Variants in XRN2 observed in about 807,000 individuals in gnomAD.
The protein encoded by XRN2 is 5'-3' exoribonuclease 2.
In XRN2, 44 loss-of-function variants were observed where a neutral mutation model predicts 138.5. The ratio of observed to expected loss-of-function variants is 0.32; its 90% CI spans 0.25 to 0.41. XRN2 has a LOEUF of 0.41. Among genes scored for constraint, XRN2 ranks in the 10% least tolerant of loss-of-function variants. The probability of loss-of-function intolerance (pLI) is 1.00; values close to 1 mark genes in which losing one functional copy is unlikely to be tolerated. For missense variants in XRN2, 937 were observed against 1,169.3 expected (o/e 0.80, Z 2.90); for synonymous variants, 354 against 369.4 (o/e 0.96, Z 0.48).
At chr20:21,384,339 TCC>T (rs1309131594) in intron 28 of XRN2, among the ~76,000 whole-genome samples, 2 of 152,174 alleles carry the variant, frequency 1.3e-5, no homozygotes, top group African/African-American at 2.4e-5. Flanking sequence ...TAAATAAAAC[TCC>T]GATTTTACCA....
rs767997657 is a variant in XRN2 at position 21,348,246 on chromosome 20, C to T, written c.1766C>T (p.Thr589Met). The change falls in exon 18 of 30, where the codon ACG (threonine) becomes ATG (methionine). Residue 589 changes from threonine (T) to methionine (M), a missense_variant. Thr to Met is a moderately conservative substitution (Grantham distance 81, BLOSUM62 -1). Transcript: ENST00000377191. ...ADMPSDFEKG[T>M]KPFKPLEQLM... The stretch of plus-strand genomic sequence containing the variant: ...ATGCCATCTGATTTTGAGAAGGGTA[C>T]GAAACCGGTAAGCTTAATTACTTAA... 5.0e-6 allele frequency: 8 copies of T among 1,613,448 alleles called. No homozygotes were observed. The highest frequency in any genetic ancestry group is 6.8e-6 in the Non-Finnish European group (8 of 1,179,838).
chr20:21,364,323 T>C (rs563963907), intron 24 of XRN2, among the ~76,000 whole-genome samples: 1 of 152,306 alleles, frequency 6.6e-6, no homozygotes, highest in South Asian at 2.1e-4. Context: ...GTGTTATAAG[T>C]ATCCTTAAGT....
chr20:21,334,332 G>A (rs2038256985), intron 13 of XRN2, 147 bp downstream of exon 13: 2 of 676,240 alleles, frequency 3.0e-6, no homozygotes, highest in South Asian at 1.9e-5. Context: ...TCAGTGCTTT[G>A]ATTATTTTAT....
chr20:21,305,776 C>T (rs1395842883), intron 1 of XRN2, among the ~76,000 whole-genome samples: 1 of 61,594 alleles, frequency 1.6e-5, no homozygotes, highest in African/African-American at 4.5e-5. Context: ...GACGGAGCCT[C>T]GCTCTGTCTC....
chr20:21,379,492 T>TCAG (rs1349848102), intron 27 of XRN2, among the ~76,000 whole-genome samples: 1 of 152,234 alleles, frequency 6.6e-6, no homozygotes, highest in Non-Finnish European at 1.5e-5. Context: ...AACAGTTGCA[T>TCAG]CAGAGTTTAT....
intron 11 of XRN2, 24 bp from the exon 12 acceptor site, chr20:21,333,913 A>T: frequency 6.2e-7 from 1 of 1,614,130 alleles, no homozygotes; most frequent in Non-Finnish European, 8.5e-7. Flanking sequence ...GTCCTAATGC[A>T]TAATGTTTGT....
chr20:21,304,094 G>T (rs1443389762), intron 1 of XRN2, among the ~76,000 whole-genome samples: 1 of 152,144 alleles, frequency 6.6e-6, no homozygotes, highest in Non-Finnish European at 1.5e-5. Flanking sequence ...CTACTGAACG[G>T]GGTGGGTGCT....
chr20:21,388,854 T>G (rs942332879), intron 29 of XRN2, among the ~76,000 whole-genome samples: 3 of 152,232 alleles, frequency 2.0e-5, no homozygotes, highest in African/African-American at 4.8e-5. Context: ...CTTAACTGAC[T>G]TAGCAAGCTC....
At chr20:21,373,560 A>G (rs1425847510) in intron 27 of XRN2, among the ~76,000 whole-genome samples, 2 of 152,230 alleles carry the variant, frequency 1.3e-5, no homozygotes, top group African/African-American at 4.8e-5. Context: ...CATTTTCCAA[A>G]TTACATTCAG....
intron 24 of XRN2, among the ~76,000 whole-genome samples, chr20:21,362,691 C>A (rs554722911): frequency 3.6e-4 from 55 of 152,290 alleles, no homozygotes; most frequent in Non-Finnish European, 4.0e-4. Flanking sequence ...ACTTCTGTTA[C>A]CTTTCTTCCT....
chr20:21,317,097 C>G (rs1430304736), intron 1 of XRN2, among the ~76,000 whole-genome samples: 1 of 152,022 alleles, frequency 6.6e-6, no homozygotes, highest in Non-Finnish European at 1.5e-5. Flanking sequence ...TTTTCCTTTT[C>G]CTGCCTAATT....
chr20:21,354,060 T>C (rs1244366551), intron 20 of XRN2, among the ~76,000 whole-genome samples: 2 of 152,140 alleles, frequency 1.3e-5, no homozygotes, highest in Non-Finnish European at 2.9e-5. Context: ...ATATATACGC[T>C]TCAATAACTT....
At position 21,303,959 on chromosome 20, in the gene XRN2, A is replaced by G. The variant is rs946833548; in HGVS notation, c.75+486A>G. On this transcript the variant is annotated intron_variant, in intron 1 of 29. Coordinates refer to ENST00000377191, the MANE Select transcript of XRN2 (RefSeq NM_012255.5). ...TTCGTTGTTTACCAATTGTGCCGGAAAGGTTTTCTCCTAGTGTTCAGGACC... is the reference window on the plus strand; with the variant it reads ...TTCGTTGTTTACCAATTGTGCCGGAGAGGTTTTCTCCTAGTGTTCAGGACC... 5.7e-6 allele frequency: 4 copies of G among 703,304 alleles called. No individual in the cohort carries two copies. In the African/African-American group the frequency reaches 7.7e-5, roughly 14 times the overall value. The allele number at this position is 703,304 out of a possible 1,614,324, so 43.6% of individuals were successfully genotyped here.
At chr20:21,350,089 CTTGATG>C (rs1222935542) in intron 20 of XRN2, among the ~76,000 whole-genome samples, 4 of 152,162 alleles carry the variant, frequency 2.6e-5, no homozygotes, top group South Asian at 4.1e-4. Flanking sequence ...AGTTTAAATA[CTTGATG>C]TTGATCATTA....
intron 19 of XRN2, among the ~76,000 whole-genome samples, chr20:21,349,001 A>G (rs906128376): frequency 3.3e-5 from 5 of 152,124 alleles, no homozygotes; most frequent in Non-Finnish European, 5.9e-5. Context: ...TGTTCCAGCC[A>G]TATTTGGTAG....
chr20:21,365,335 G>A lies in XRN2; in HGVS notation c.2256-86G>A, dbSNP rs529523328. 65 of 1,305,414 alleles carry A rather than the reference G, an allele frequency of 5.0e-5. No homozygotes were observed. The South Asian group carries it at 8.6e-4, about 17-fold the overall frequency. The allele number at this position is 1,305,414 out of a possible 1,614,324, so 80.9% of individuals were successfully genotyped here. A position where few individuals can be genotyped will look rare whatever the true frequency, so the allele number is the denominator to read the frequency against. On this transcript the variant is annotated intron_variant, in intron 24 of 29. Transcript: ENST00000377191. ...ATTAACTAAAATAATTTTTGGAGAG[G>A]ACTTAAACATGAAAAATACCTCAGT... is the stretch of plus-strand genomic sequence containing the variant.
chr20:21,322,128 A>T (rs930569168), intron 1 of XRN2, among the ~76,000 whole-genome samples: 5 of 152,188 alleles, frequency 3.3e-5, no homozygotes, highest in African/African-American at 1.2e-4. Flanking sequence ...CAGACCTCAC[A>T]AGGTTGTTGT....
At chr20:21,365,514 T>G (rs2038682699) in intron 25 of XRN2, 25 bp downstream of exon 25, 1 of 1,613,612 alleles carries the variant, frequency 6.2e-7, no homozygotes, top group African/African-American at 1.3e-5. Flanking sequence ...TTACCTAGAT[T>G]TATTTTGTAC....
chr20:21,320,617 G>A (rs970870018), intron 1 of XRN2, among the ~76,000 whole-genome samples: 3 of 151,222 alleles, frequency 2.0e-5, no homozygotes, highest in Non-Finnish European at 4.4e-5. Context: ...TTATTTTTGA[G>A]ATGGAGTCTT....
Sources: allele counts gnomAD v4.1 joint callset (sites outside exome capture counted in the v4.1 genomes callset), GRCh38; gene constraint gnomAD v4.1.1; transcripts MANE v1.5; gene names NCBI Gene and HGNC (gene_info 2026-07-23, HGNC 2026-07-21).